The following DNAH1 variants were observed in gnomAD, a reference collection of about 807,000 sequenced individuals.
The protein encoded by DNAH1 is dynein axonemal heavy chain 1.
In DNAH1, 327 loss-of-function variants were observed where a neutral mutation model predicts 484.3. The ratio of observed to expected loss-of-function variants is 0.68; its 90% CI spans 0.62 to 0.74. The LOEUF (loss-of-function observed/expected upper bound fraction) is 0.74, where lower values mean the gene tolerates loss of function less well. DNAH1 is among the 30% of genes least tolerant of loss of function. The pLI is 0.00. For synonymous variants in DNAH1, 2,192 were observed against 2,191.9 expected (o/e 1.00, Z 0.00); for missense variants, 5,052 against 5,546.8 (o/e 0.91, Z 2.83).
chr3:52,384,433 C>T (rs1041768370), intron 52 of DNAH1, among the ~76,000 whole-genome samples: 1 of 152,180 alleles, frequency 6.6e-6, no homozygotes, highest in Admixed American at 6.5e-5. Flanking sequence ...TAGATCCAGC[C>T]TCTGAGGGGG....
At position 52,355,821 on chromosome 3, in the gene DNAH1, C is replaced by G. The variant is rs1702585770; in HGVS notation, c.3693+766C>G. Among the ~76,000 whole-genome samples the G allele has an allele frequency of 6.6e-6, 1 of 152,258 alleles. No homozygotes were observed. Among genetic ancestry groups the G allele is most frequent in the Admixed American group, 6.5e-5 (1 of 15,292 alleles). On this transcript the variant is annotated intron_variant, in intron 21 of 77. Transcript: ENST00000420323. The surrounding 1 kb of genome is among the most constrained non-coding windows in gnomAD (Gnocchi z 4.5). The stretch of plus-strand genomic sequence containing the variant: ...CAAGGCCCAGCAACAAGCAGCCTTG[C>G]CGACTCTCCCTCACCATCCTTCAAG...
chr3:52,344,136 G>A (rs1403075706), intron 8 of DNAH1, among the ~76,000 whole-genome samples: 1 of 152,220 alleles, frequency 6.6e-6, no homozygotes, highest in Non-Finnish European at 1.5e-5. Context: ...AGGCGGGGGT[G>A]CTGCAGGGGA....
chr3:52,389,040 C>T, intron 59 of DNAH1, 103 bp downstream of exon 59: 3 of 1,345,248 alleles, frequency 2.2e-6, no homozygotes, highest in Non-Finnish European at 2.0e-6. Flanking sequence ...AGGTGGCTCT[C>T]CGCTCACTCA....
intron 49 of DNAH1, 115 bp from the exon 50 acceptor site, chr3:52,382,205 C>G: frequency 6.4e-7 from 1 of 1,552,090 alleles, no homozygotes; most frequent in Non-Finnish European, 8.8e-7. Context: ...GTCTGCAGGT[C>G]TGCCCAGGAT....
intron 37 of DNAH1, 135 bp downstream of exon 37, chr3:52,369,053 T>A: frequency 1.0e-6 from 1 of 1,001,184 alleles, no homozygotes; most frequent in Non-Finnish European, 1.5e-6. Flanking sequence ...TCACCCTGAC[T>A]CAGCAAGAGC....
At position 52,356,779 on chromosome 3, in the gene DNAH1, G is replaced by A. The variant is rs944094661; in HGVS notation, c.3858+1G>A. 6.3e-7 allele frequency: 1 copy of A among 1,599,446 alleles called. No individual in the cohort carries two copies. On this transcript the variant is annotated splice_donor_variant, in intron 22 of 77. Coordinates refer to ENST00000420323, the MANE Select transcript of DNAH1 (RefSeq NM_015512.5). LOFTEE classifies it high-confidence loss of function. ...GAAGAATGCCTACGAGAACCGGGAGGCAAGCTCAATGAGGGTGGGAGGGGC... is the reference window on the plus strand; with the variant it reads ...GAAGAATGCCTACGAGAACCGGGAGACAAGCTCAATGAGGGTGGGAGGGGC...
intron 44 of DNAH1, chr3:52,374,826 A>G (rs1703512550): frequency 5.5e-6 from 6 of 1,088,570 alleles, no homozygotes; most frequent in Non-Finnish European, 7.0e-6. Context: ...GAAGCTAAAA[A>G]TGGAAGTACG....
At chr3:52,349,875 T>G (rs2153223934) in intron 14 of DNAH1, 114 bp from the exon 15 acceptor site, 2 of 1,415,110 alleles carry the variant, frequency 1.4e-6, no homozygotes, top group South Asian at 1.4e-5. Context: ...CAGGATGTTG[T>G]GGTGGAGGGG....
rs761543127 is a variant in DNAH1, at chr3:52,352,610, A to G, written c.2930A>G (p.Asn977Ser). 8.1e-6 allele frequency: 13 copies of G among 1,612,612 alleles called. No individual in the cohort carries two copies. Among genetic ancestry groups the G allele is most frequent in the East Asian group, 6.7e-5 (3 of 44,874 alleles). Residue 977 changes from asparagine (N) to serine (S), a missense_variant, in exon 18 of 78, where the codon AAC becomes AGC. Physicochemically the swap from Asn to Ser is conservative, Grantham distance 46 (BLOSUM62 1). This residue lies in a region of DNAH1 where 2,929 missense variants were observed against 3,409.4 expected (regional missense o/e 0.86). Transcript: ENST00000420323. ...VEISRAHEIANEVRRVKKQLK... is the reference protein window; with the variant it reads ...VEISRAHEIASEVRRVKKQLK... ...ATTTCACGTGCACACGAGATCGCCA[A>G]CGAGGTGCGGCGTGTCAAGAAGCAG...
At position 52,361,854 on chromosome 3, in the gene DNAH1, G is replaced by T. The variant is rs143963612; in HGVS notation, c.4980+88G>T. On this transcript the variant is annotated intron_variant, in intron 30 of 77. Coordinates refer to ENST00000420323, the MANE Select transcript of DNAH1 (RefSeq NM_015512.5). This position sits in a 1 kb window ranked among gnomAD's most constrained non-coding sequence, Gnocchi z 5.6. ...CCCATTGCAGGCTGAGAAGCCAGGC[G>T]CTAAGGTCCACCCTGGGTCCAGCCT... 3.6e-6 allele frequency: 5 copies of T among 1,374,876 alleles called. No individual in the cohort carries two copies. Among genetic ancestry groups the T allele is most frequent in the Non-Finnish European group, 5.0e-6 (5 of 1,001,318 alleles). 85.2% of individuals were successfully genotyped at this position (1,374,876 alleles called of 1,614,324 possible).
intron 2 of DNAH1, among the ~76,000 whole-genome samples, chr3:52,323,293 C>T (rs768308410): frequency 4.0e-5 from 6 of 149,134 alleles, no homozygotes; most frequent in African/African-American, 1.0e-4. Flanking sequence ...GGCTAGAATG[C>T]GAGGGGAGAG....
intron 32 of DNAH1, 117 bp downstream of exon 32, chr3:52,363,261 C>T (rs1166303326): frequency 1.9e-5 from 26 of 1,346,692 alleles, no homozygotes; most frequent in Middle Eastern, 2.6e-4. Context: ...ATTACCTTGT[C>T]GGCTTCTCCC....
chr3:52,388,627 G>T lies in DNAH1; in HGVS notation c.9363+18G>T. 2 of 1,611,764 alleles carry T rather than the reference G, an allele frequency of 1.2e-6. No individual in the cohort carries two copies. The highest frequency in any genetic ancestry group is 1.7e-6 in the Non-Finnish European group (2 of 1,179,516). On this transcript the variant is annotated intron_variant, in intron 58 of 77. Coordinates refer to ENST00000420323, the MANE Select transcript of DNAH1 (RefSeq NM_015512.5). ...CTGGCAAGGTGCGCACCCTCCTCCT[G>T]CAAGGCCTGCAAGCGGGCCCGGCCC...
Position 52,351,983 on chromosome 3 carries a change from T to G in DNAH1, c.2751T>G (p.Pro917=). ...CCAGATGGATTGCCAGCAACTGGCC[T>G]TCTAAGATCCTTGGGCAGATAGAGC... ...FNDKWIASNW[P]SKILGQIELV... The change falls in exon 17 of 78, where the codon CCT becomes CCG. Residue 917 remains proline, a synonymous_variant. Coordinates refer to ENST00000420323, the MANE Select transcript of DNAH1 (RefSeq NM_015512.5). 1.2e-6 allele frequency: 2 copies of G among 1,602,566 alleles called. No homozygotes were observed. The highest frequency in any genetic ancestry group is 1.7e-6 in the Non-Finnish European group (2 of 1,174,828).
In DNAH1 at chr3:52,350,564, C is replaced by T; in HGVS notation, c.2703C>T (p.Asn901=). The T allele has an allele frequency of 1.2e-6, 2 of 1,613,892 alleles. No individual in the cohort carries two copies. The highest frequency in any genetic ancestry group is 1.7e-6 in the Non-Finnish European group (2 of 1,179,832). ...AGGTCATGGATGAATTCCTCTACAA[C>T]CTCAGCTCAGATGACTTCAATGACA... ...DYQVMDEFLY[N]LSSDDFNDKW... Residue 901 remains asparagine (N), a synonymous_variant, in exon 16 of 78, where the codon AAC becomes AAT. Coordinates refer to ENST00000420323, the MANE Select transcript of DNAH1 (RefSeq NM_015512.5).
intron 60 of DNAH1, among the ~76,000 whole-genome samples, chr3:52,389,979 G>C (rs1407098344): frequency 1.3e-5 from 2 of 152,202 alleles, no homozygotes; most frequent in East Asian, 3.8e-4. Context: ...TGGTGTAGGG[G>C]CACACACCTG....
intron 50 of DNAH1, 34 bp downstream of exon 50, chr3:52,382,489 G>C: frequency 6.2e-7 from 1 of 1,610,434 alleles, no homozygotes; most frequent in Non-Finnish European, 8.5e-7. Flanking sequence ...AGGGCTCGGG[G>C]GGGCTGGACA....
Position 52,375,253 on chromosome 3 carries a change from C to G in DNAH1, c.6999C>G (p.Asn2333Lys), listed in dbSNP as rs1274495133. 5 of 1,607,458 alleles carry G rather than the reference C, an allele frequency of 3.1e-6. No homozygotes were observed. The highest frequency in any genetic ancestry group is 4.2e-6 in the Non-Finnish European group (5 of 1,177,210). The stretch of plus-strand genomic sequence containing the variant: ...CCCCTACTCCAGGTGCCTTCAAGAA[C>G]CTAGTGGACATCAACTTTGTCTGTG... ...YDRKIIGAFKNLVDINFVCAM... is the reference protein window; with the variant it reads ...YDRKIIGAFKKLVDINFVCAM... The change falls in exon 45 of 78, where the codon AAC becomes AAG. Residue 2333 changes from asparagine (N) to lysine (K), a missense_variant. Physicochemically the swap from Asn to Lys is moderately conservative, Grantham distance 94. Coordinates refer to ENST00000420323, the MANE Select transcript of DNAH1 (RefSeq NM_015512.5).
At chr3:52,327,267 A>C (rs1300890300) in intron 5 of DNAH1, among the ~76,000 whole-genome samples, 1 of 152,020 alleles carries the variant, frequency 6.6e-6, no homozygotes, top group African/African-American at 2.4e-5. Context: ...AAGAGCAGGG[A>C]TGGAAGAGGG....
Sources: gnomAD v4.1 joint callset for allele counts (sites outside exome capture counted in the v4.1 genomes callset) on GRCh38, gnomAD v4.1.1 for gene constraint, gnomAD v4.1.1 regional missense constraint, Gnocchi (gnomAD v3.1) non-coding constraint, MANE v1.5 for transcripts, NCBI Gene and HGNC (gene_info 2026-07-23, HGNC 2026-07-21) for gene names.